Variants in GALNT9 observed in about 807,000 individuals in gnomAD.
The protein encoded by GALNT9 is polypeptide N-acetylgalactosaminyltransferase 9, also known as GalNAc transferase 9.
GALNT9 carries 47 observed loss-of-function variants against 63.1 expected under a neutral mutation model. The ratio of observed to expected loss-of-function variants is 0.75; its 90% CI spans 0.59 to 0.95. The LOEUF is 0.95. Among genes scored for constraint, GALNT9 ranks in the 40% least tolerant of loss-of-function variants. GALNT9 has a pLI of 0.00. For synonymous variants in GALNT9, 396 were observed against 365.7 expected, an observed-to-expected ratio of 1.08 and a Z score of -0.94; for missense variants, 829 against 874.8, an observed-to-expected ratio of 0.95 and a Z score of 0.66.
Position 132,196,592 on chromosome 12 carries a change from A to G in GALNT9, c.*515T>C. ...CACGGCCTCAGGTTTGTCGCTGTCC[A>G]TGTCCTCCAGCACCCCTCTTACCAG... On this transcript the variant is annotated 3_prime_UTR_variant, in exon 11 of 11. Coordinates refer to ENST00000328957, the MANE Select transcript of GALNT9 (RefSeq NM_001122636.2). The G allele has an allele frequency of 3.0e-6, 3 of 987,162 alleles. No individual in the cohort carries two copies. Among genetic ancestry groups the G allele is most frequent in the Non-Finnish European group, 3.6e-6 (3 of 831,176 alleles). The allele number at this position is 987,162 out of a possible 1,614,324, so 61.2% of individuals were successfully genotyped here.
In GALNT9 at chr12:132,320,161, C is replaced by T. The variant is rs182333722; in HGVS notation, c.238+8805G>A. Among the ~76,000 whole-genome samples the T allele has an allele frequency of 1.1e-3, 160 of 152,378 alleles. 1 individual carries two copies. The highest frequency in any genetic ancestry group is 3.4e-3 in the African/African-American group (143 of 41,586). On this transcript the variant is annotated intron_variant, in intron 1 of 10. Coordinates refer to ENST00000328957, the MANE Select transcript of GALNT9 (RefSeq NM_001122636.2). ...GTGGGTACAATGTGCCAGGGCCGGC[C>T]GCCAAGCCCAGGAGCCTCCCCACAG...
At position 132,267,724 on chromosome 12, in the gene GALNT9, G is replaced by A. The variant is rs573755988; in HGVS notation, c.420-5099C>T. On this transcript the variant is annotated intron_variant, in intron 2 of 10. Transcript: ENST00000328957. ...TAAAGTGAAGAAATAATACTGCTTCGGAAAATGGGGAAATACACAAGCACA... is the reference window on the plus strand; with the variant it reads ...TAAAGTGAAGAAATAATACTGCTTCAGAAAATGGGGAAATACACAAGCACA... Among the ~76,000 whole-genome samples the A allele has an allele frequency of 6.3e-5, 9 of 142,266 alleles. No individual in the cohort carries two copies. The South Asian group carries it at 6.6e-4, about 10-fold the overall frequency. The allele number at this position is 142,266 out of a possible 152,430, so 93.3% of individuals were successfully genotyped here.
At position 132,286,200 on chromosome 12, in the gene GALNT9, G is replaced by A. The variant is rs1467592415; in HGVS notation, c.419+50C>T. ...CACTTCCCTGGCCAGTGTGGGGGGC[G>A]GTCACTTCCTCGGCGGGCGTCGGGG... On this transcript the variant is annotated intron_variant, in intron 2 of 10. Coordinates refer to ENST00000328957, the MANE Select transcript of GALNT9 (RefSeq NM_001122636.2). This position sits in a 1 kb window ranked among gnomAD's most constrained non-coding sequence, Gnocchi z 7.4. 5 of 1,515,338 alleles carry A rather than the reference G, an allele frequency of 3.3e-6. No homozygotes were observed. Among genetic ancestry groups the A allele is most frequent in the Non-Finnish European group, 4.4e-6 (5 of 1,125,394 alleles). 93.9% of individuals were successfully genotyped at this position (1,515,338 alleles called of 1,614,324 possible).
intron 4 of GALNT9, among the ~76,000 whole-genome samples, chr12:132,258,429 G>A (rs781885985): frequency 7.2e-5 from 11 of 152,234 alleles, no homozygotes; most frequent in Non-Finnish European, 1.3e-4. Context: ...AAAGCCACCA[G>A]GCACCGTTGT....
intron 6 of GALNT9, chr12:132,205,413 A>T (rs1876612823): frequency 6.6e-6 from 1 of 151,736 alleles, no homozygotes; most frequent in East Asian, 2.0e-4. Flanking sequence ...CCGGGGCAGG[A>T]GGGAGCCGCT....
chr12:132,309,578 G>A (rs1881739723), intron 1 of GALNT9, among the ~76,000 whole-genome samples: 1 of 152,204 alleles, frequency 6.6e-6, no homozygotes, highest in South Asian at 2.1e-4. Flanking sequence ...GATAGTCACA[G>A]GCAGAAAAGA....
At position 132,309,338 on chromosome 12, in the gene GALNT9, G is replaced by A. The variant is rs555721933; in HGVS notation, c.238+19628C>T. Among the ~76,000 whole-genome samples the A allele has an allele frequency of 2.3e-4, 35 of 152,296 alleles. No individual in the cohort carries two copies. In the Middle Eastern group the frequency reaches 0.017, roughly 74 times the overall value. On this transcript the variant is annotated intron_variant, in intron 1 of 10. Transcript: ENST00000328957. ...CCCTCTAGCTGCCCGTGGACCTCACGCAGCCGCCCTGGAGGTCGAGGGGTC... is the reference window on the plus strand; with the variant it reads ...CCCTCTAGCTGCCCGTGGACCTCACACAGCCGCCCTGGAGGTCGAGGGGTC...
At chr12:132,320,969 G>C (rs1868759395) in intron 1 of GALNT9, among the ~76,000 whole-genome samples, 1 of 152,206 alleles carries the variant, frequency 6.6e-6, no homozygotes, top group South Asian at 2.1e-4. Flanking sequence ...AGCTGGGTTT[G>C]AACCCAGGCG....
At chr12:132,234,797 C>T (rs1297317452) in intron 6 of GALNT9, among the ~76,000 whole-genome samples, 8 of 11,944 alleles carry the variant, frequency 6.7e-4, no homozygotes, top group South Asian at 4.2e-3. Flanking sequence ...CAGCGTGGAG[C>T]CCCTAGTGCC....
At chr12:132,263,987 G>A (rs971182706) in intron 2 of GALNT9, among the ~76,000 whole-genome samples, 11 of 152,198 alleles carry the variant, frequency 7.2e-5, no homozygotes, top group Non-Finnish European at 1.6e-4. Context: ...GTGATTTATG[G>A]CGTGACCGTT....
At chr12:132,214,360 T>A (rs553675312) in intron 6 of GALNT9, among the ~76,000 whole-genome samples, 79 of 152,336 alleles carry the variant, frequency 5.2e-4, no homozygotes, top group African/African-American at 1.8e-3. Flanking sequence ...CTGTATCTGA[T>A]GCTTTGACAT....
chr12:132,247,730 C>A, intron 6 of GALNT9, 180 bp downstream of exon 6: 1 of 1,060,074 alleles, frequency 9.4e-7, no homozygotes, highest in East Asian at 3.1e-5. Context: ...CCTCACTCGC[C>A]CTCACCCCGT....
At position 132,196,778 on chromosome 12, in the gene GALNT9, C is replaced by T. The variant is rs995695417; in HGVS notation, c.*329G>A. ...TCCGGGGCTTGGCCTCCCTATGGGG[C>T]GTGGGGGGCTGTGGTACATGCAGAG... On this transcript the variant is annotated 3_prime_UTR_variant, in exon 11 of 11. Coordinates refer to ENST00000328957, the MANE Select transcript of GALNT9 (RefSeq NM_001122636.2). 6.3e-5 allele frequency: 69 copies of T among 1,095,720 alleles called. 1 individual carries two copies. Among genetic ancestry groups the T allele is most frequent in the South Asian group, 5.8e-5 (2 of 34,758 alleles). The allele number at this position is 1,095,720 out of a possible 1,614,324, so 67.9% of individuals were successfully genotyped here.
In GALNT9 at chr12:132,261,011, C is replaced by T; in HGVS notation, c.698G>A (p.Trp233Ter). Residue 233 changes from tryptophan to a stop codon, truncating the protein, a stop_gained, in exon 4 of 11, where the codon TGG becomes TAG. Transcript: ENST00000328957. LOFTEE classifies it high-confidence loss of function. ...GACGACTGGGGCGGTGGCCGCCTTC[C>T]AGCCCTGCAGCCGCGCGCGGATCAG... is the stretch of plus-strand genomic sequence containing the variant. ...EGLIRARLQG[W>*]KAATAPVVGF... 1 of 1,549,838 alleles carries T rather than the reference C, an allele frequency of 6.5e-7. No homozygotes were observed. The highest frequency in any genetic ancestry group is 8.7e-7 in the Non-Finnish European group (1 of 1,146,522).
At chr12:132,288,533 C>T (rs1344051103) in intron 1 of GALNT9, among the ~76,000 whole-genome samples, 3 of 152,260 alleles carry the variant, frequency 2.0e-5, no homozygotes, top group African/African-American at 7.2e-5. Flanking sequence ...AGAGAGACAC[C>T]TCATCATCCG....
intron 6 of GALNT9, among the ~76,000 whole-genome samples, chr12:132,237,238 G>C (rs2136895266): frequency 2.0e-5 from 3 of 152,084 alleles, no homozygotes; most frequent in Non-Finnish European, 2.9e-5. Flanking sequence ...AGCTGCCCCA[G>C]GCCACCTGAT....
In GALNT9 at chr12:132,201,129, C is replaced by T. The variant is rs776045523; in HGVS notation, c.1396G>A (p.Gly466Arg). 1.2e-5 allele frequency: 19 copies of T among 1,612,844 alleles called. No homozygotes were observed. Among genetic ancestry groups the T allele is most frequent in the East Asian group, 4.5e-5 (2 of 44,880 alleles). The change falls in exon 8 of 11, where the codon GGA (glycine) becomes AGA (arginine). Residue 466 changes from glycine to arginine, a missense_variant. Coordinates refer to ENST00000328957, the MANE Select transcript of GALNT9 (RefSeq NM_001122636.2). Reference protein sequence around the residue: ...MRVYNNTLTYGEVRNSKASAY... With the variant: ...MRVYNNTLTYREVRNSKASAY... ...GCCCTCGGGGGAGGTGCTACCTCTCCGTACGTGAGGGTGTTGTTGTAGACC... is the reference window on the plus strand; with the variant it reads ...GCCCTCGGGGGAGGTGCTACCTCTCTGTACGTGAGGGTGTTGTTGTAGACC...
Position 132,291,624 on chromosome 12 carries a change from G to A in GALNT9, c.239-5194C>T, listed in dbSNP as rs868995577. Reference sequence around the variant, plus strand: ...CACCACCCACCTCCACAGCACCCACGTCCACACCACCCACATCCACAGCAC... The same window carrying A: ...CACCACCCACCTCCACAGCACCCACATCCACACCACCCACATCCACAGCAC... On this transcript the variant is annotated intron_variant, in intron 1 of 10. Coordinates refer to ENST00000328957, the MANE Select transcript of GALNT9 (RefSeq NM_001122636.2). Among the ~76,000 whole-genome samples the A allele has an allele frequency of 7.5e-4, 67 of 89,156 alleles. 2 individuals are homozygous for A. Among genetic ancestry groups the A allele is most frequent in the South Asian group, 3.7e-3 (12 of 3,236 alleles). 58.5% of individuals were successfully genotyped at this position (89,156 alleles called of 152,430 possible).
At chr12:132,241,059 C>A (rs2136900585) in intron 6 of GALNT9, among the ~76,000 whole-genome samples, 1 of 137,204 alleles carries the variant, frequency 7.3e-6, no homozygotes, top group African/African-American at 2.9e-5. Flanking sequence ...CTCCCTATAC[C>A]CATTACACAC....
Sources: allele counts gnomAD v4.1 joint callset (sites outside exome capture counted in the v4.1 genomes callset), GRCh38; gene constraint gnomAD v4.1.1; non-coding constraint Gnocchi (gnomAD v3.1); transcripts MANE v1.5; gene names NCBI Gene and HGNC (gene_info 2026-07-23, HGNC 2026-07-21).